CYP2U1: variants seen among roughly 807,000 people sequenced by gnomAD.
CYP2U1 encodes cytochrome P450 family 2 subfamily U member 1, also known as cytochrome P450 2U1.
In CYP2U1, 28 loss-of-function variants were observed where a neutral mutation model predicts 42.8. The ratio of observed to expected loss-of-function variants is 0.65; its 90% CI spans 0.48 to 0.90. The LOEUF is 0.90. Ranked by LOEUF, CYP2U1 falls within the 40% of genes least tolerant of loss-of-function variation. The pLI is 0.00. For synonymous variants in CYP2U1, 296 were observed against 278.9 expected, an observed-to-expected ratio of 1.06 and a Z score of -0.61; for missense variants, 642 against 693.8, an observed-to-expected ratio of 0.93 and a Z score of 0.84.
chr4:107,945,895 G>T (rs1003680775), intron 2 of CYP2U1, among the ~76,000 whole-genome samples: 8 of 152,128 alleles, frequency 5.3e-5, no homozygotes, highest in Admixed American at 3.3e-4. Flanking sequence ...AGAGCTGAAG[G>T]GAATCATAAT....
intron 1 of CYP2U1, among the ~76,000 whole-genome samples, chr4:107,939,487 T>C (rs988633198): frequency 2.6e-5 from 4 of 152,210 alleles, no homozygotes; most frequent in Admixed American, 1.3e-4. Flanking sequence ...TCTATCCACA[T>C]TGAAATGAAA....
rs1271374579 is a variant in CYP2U1 at position 107,931,978 on chromosome 4, G to T, written c.335G>T (p.Arg112Leu). The T allele has an allele frequency of 1.3e-6, 2 of 1,552,454 alleles. No homozygotes were observed. The highest frequency in any genetic ancestry group is 1.4e-5 in the African/African-American group (1 of 73,104). Residue 112 changes from arginine (R) to leucine (L), a missense_variant, in exon 1 of 5, where the codon CGC becomes CTC. Coordinates refer to ENST00000332884, the MANE Select transcript of CYP2U1 (RefSeq NM_183075.3). The stretch of plus-strand genomic sequence containing the variant: ...CAGGTGCTCCTGGCTCACCTAGCCC[G>T]CGTGTACGGCAGCATCTTCAGCTTC... ...GPQVLLAHLA[R>L]VYGSIFSFFI...
At chr4:107,944,714 C>A (rs1482521839) in intron 1 of CYP2U1, among the ~76,000 whole-genome samples, 1 of 150,628 alleles carries the variant, frequency 6.6e-6, no homozygotes, top group Non-Finnish European at 1.5e-5. Context: ...CCAGGAGTTA[C>A]TAACTATAAT....
At position 107,950,582 on chromosome 4, in the gene CYP2U1, T is replaced by A; in HGVS notation, c.*159T>A. The A allele has an allele frequency of 1.5e-6, 1 of 655,742 alleles. No individual in the cohort carries two copies. The highest frequency in any genetic ancestry group is 2.4e-6 in the Non-Finnish European group (1 of 422,780). The allele number at this position is 655,742 out of a possible 1,614,324, so 40.6% of individuals were successfully genotyped here. A position where few individuals can be genotyped will look rare whatever the true frequency, so the allele number is the denominator to read the frequency against. On this transcript the variant is annotated 3_prime_UTR_variant, in exon 5 of 5. Coordinates refer to ENST00000332884, the MANE Select transcript of CYP2U1 (RefSeq NM_183075.3). ...TAGAGCACACTGGGAGGTTTCATCTTGGAGGATTCCTCAGCAGGATACTTC... is the reference window on the plus strand; with the variant it reads ...TAGAGCACACTGGGAGGTTTCATCTAGGAGGATTCCTCAGCAGGATACTTC...
intron 3 of CYP2U1, 126 bp from the exon 4 acceptor site, chr4:107,949,224 C>A (rs1733822153): frequency 2.2e-6 from 2 of 896,396 alleles, no homozygotes; most frequent in South Asian, 8.8e-5. Context: ...AAGTACCTCA[C>A]AGTTTGGTCT....
At chr4:107,948,550 G>T (rs938026342) in intron 3 of CYP2U1, among the ~76,000 whole-genome samples, 1 of 152,102 alleles carries the variant, frequency 6.6e-6, no homozygotes, top group Non-Finnish European at 1.5e-5. Context: ...ACTTCAGCCT[G>T]GGTGACAGAG....
chr4:107,939,705 T>C (rs756993756), intron 1 of CYP2U1, among the ~76,000 whole-genome samples: 1 of 152,092 alleles, frequency 6.6e-6, no homozygotes, highest in African/African-American at 2.4e-5. Flanking sequence ...CCAGTGATCA[T>C]AGGAGACAGA....
At chr4:107,946,957 A>G (rs1733718090) in intron 2 of CYP2U1, among the ~76,000 whole-genome samples, 1 of 152,150 alleles carries the variant, frequency 6.6e-6, no homozygotes, top group South Asian at 2.1e-4. Flanking sequence ...TCTCTTGGTC[A>G]CACAGACCAA....
intron 1 of CYP2U1, among the ~76,000 whole-genome samples, chr4:107,934,578 T>C (rs1733181259): frequency 6.6e-6 from 1 of 152,238 alleles, no homozygotes; most frequent in Non-Finnish European, 1.5e-5. Flanking sequence ...TCAAATCTTG[T>C]AGCTCTCTGG....
Position 107,931,922 on chromosome 4 carries a change from C to T in CYP2U1, c.279C>T (p.Ala93=), listed in dbSNP as rs982216763. 4 of 1,551,090 alleles carry T rather than the reference C, an allele frequency of 2.6e-6. No homozygotes were observed. Among genetic ancestry groups the T allele is most frequent in the Non-Finnish European group, 3.5e-6 (4 of 1,146,958 alleles). ...GCTGGCTGAGCAGCAGGACCAGGGC[C>T]GCAGGGATTGATCCCTCGGTCATAG... ...RRSWLSSRTR[A]AGIDPSVIGP... The change falls in exon 1 of 5, where the codon GCC becomes GCT. Residue 93 remains alanine, a synonymous_variant. Coordinates refer to ENST00000332884, the MANE Select transcript of CYP2U1 (RefSeq NM_183075.3).
rs1484137175 is a variant in CYP2U1 at position 107,932,009 on chromosome 4, C to A, written c.366C>A (p.Ile122=). Residue 122 remains isoleucine (I), a synonymous_variant, in exon 1 of 5, where the codon ATC becomes ATA. Coordinates refer to ENST00000332884, the MANE Select transcript of CYP2U1 (RefSeq NM_183075.3). ...ACGGCAGCATCTTCAGCTTCTTTAT[C>A]GGCCACTACCTGGTGGTGGTCCTCA... ...RVYGSIFSFF[I]GHYLVVVLSD... 2 of 1,557,904 alleles carry A rather than the reference C, an allele frequency of 1.3e-6. No individual in the cohort carries two copies. The highest frequency in any genetic ancestry group is 2.4e-5 in the South Asian group (2 of 84,534).
intron 1 of CYP2U1, 108 bp downstream of exon 1, chr4:107,932,241 T>A: frequency 6.8e-7 from 1 of 1,460,144 alleles, no homozygotes; most frequent in Non-Finnish European, 9.0e-7. Flanking sequence ...GCCCCCAGGC[T>A]GCCTCACACC....
chr4:107,948,226 C>T (rs1232543058), intron 3 of CYP2U1, among the ~76,000 whole-genome samples: 2 of 138,674 alleles, frequency 1.4e-5, no homozygotes, highest in African/African-American at 5.5e-5. Context: ...TGCACCACTG[C>T]ACTCTAGCCT....
chr4:107,935,057 C>T (rs1393378055), intron 1 of CYP2U1, among the ~76,000 whole-genome samples: 1 of 152,230 alleles, frequency 6.6e-6, no homozygotes. Context: ...TGAATTCGTG[C>T]ATACAAGCAT....
chr4:107,932,932 G>A (rs1181924927), intron 1 of CYP2U1, among the ~76,000 whole-genome samples: 3 of 152,174 alleles, frequency 2.0e-5, no homozygotes, highest in African/African-American at 7.2e-5. Flanking sequence ...CAAAACTGAC[G>A]CTACATAACT....
chr4:107,946,186 A>G (rs1733692977), intron 2 of CYP2U1, among the ~76,000 whole-genome samples: 1 of 152,240 alleles, frequency 6.6e-6, no homozygotes, highest in Non-Finnish European at 1.5e-5. Flanking sequence ...ACTGAAAATC[A>G]GGATGTTGAC....
chr4:107,947,298 A>G lies in CYP2U1; in HGVS notation c.1127-78A>G. ...ACTGACCAGTTATGCATTAGTGGTG[A>G]TGGAAAGTATGCAGAGGAGGGCACG... On this transcript the variant is annotated intron_variant, in intron 2 of 4. Coordinates refer to ENST00000332884, the MANE Select transcript of CYP2U1 (RefSeq NM_183075.3). 3 of 1,292,360 alleles carry G rather than the reference A, an allele frequency of 2.3e-6. No homozygotes were observed. In the Admixed American group the frequency reaches 5.3e-5, roughly 23 times the overall value. The allele number at this position is 1,292,360 out of a possible 1,614,324, so 80.1% of individuals were successfully genotyped here. A position where few individuals can be genotyped will look rare whatever the true frequency, so the allele number is the denominator to read the frequency against.
At chr4:107,939,906 C>T (rs1733419155) in intron 1 of CYP2U1, among the ~76,000 whole-genome samples, 1 of 152,080 alleles carries the variant, frequency 6.6e-6, no homozygotes, top group Non-Finnish European at 1.5e-5. Flanking sequence ...AGACAGAACT[C>T]TTGAAGTGCT....
chr4:107,936,442 G>A (rs1733270128), intron 1 of CYP2U1: 1 of 152,510 alleles, frequency 6.6e-6, no homozygotes, highest in South Asian at 2.1e-4. Context: ...GAAGAAGGAT[G>A]AGTTTGGCCC....
Sources: gnomAD v4.1 joint callset for allele counts (sites outside exome capture counted in the v4.1 genomes callset) on GRCh38, gnomAD v4.1.1 for gene constraint, MANE v1.5 for transcripts, NCBI Gene and HGNC (gene_info 2026-07-23, HGNC 2026-07-21) for gene names.